RANGAP1: variants seen among roughly 807,000 people sequenced by gnomAD.
RANGAP1 encodes the protein ran GTPase-activating protein 1.
A neutral mutation model predicts 63.5 loss-of-function variants in RANGAP1; 38 were observed. The ratio of observed to expected loss-of-function variants is 0.60; its 90% CI spans 0.46 to 0.78. RANGAP1 has a LOEUF of 0.78. Among genes scored for constraint, RANGAP1 ranks in the 30% least tolerant of loss-of-function variants. The pLI, the probability that RANGAP1 is intolerant of heterozygous loss-of-function variation, is 0.00. For synonymous variants in RANGAP1, 329 were observed against 310.5 expected, an observed-to-expected ratio of 1.06 and a Z score of -0.63; for missense variants, 630 against 740.3, an observed-to-expected ratio of 0.85 and a Z score of 1.73.
Position 41,256,016 on chromosome 22 carries a change from C to T in RANGAP1, c.1073+5G>A. On this transcript the variant is annotated splice_donor_5th_base_variant and intron_variant, in intron 10 of 15. Coordinates refer to ENST00000356244, the MANE Select transcript of RANGAP1 (RefSeq NM_002883.4). ...CGACCTCTGGGGCCACCCCGAGTTCCCTACCTGAGGGACGCCAGCACCTTG... is the reference window on the plus strand; with the variant it reads ...CGACCTCTGGGGCCACCCCGAGTTCTCTACCTGAGGGACGCCAGCACCTTG... 5.0e-6 allele frequency: 8 copies of T among 1,612,922 alleles called. No homozygotes were observed. Among genetic ancestry groups the T allele is most frequent in the Non-Finnish European group, 6.8e-6 (8 of 1,179,934 alleles).
At chr22:41,291,784 C>A in the RANGAP1 span, among the ~76,000 whole-genome samples, 1 of 150,902 alleles carries the variant, frequency 6.6e-6, no homozygotes, top group Non-Finnish European at 1.5e-5. Flanking sequence ...ATCTGTAGTC[C>A]CAGCTACTCG....
In RANGAP1 at chr22:41,282,877, A is replaced by G. The variant is rs575770032; in HGVS notation, c.-38-1795T>C. On this transcript the variant is annotated intron_variant, in intron 1 of 15. Transcript: ENST00000356244. ...AACAGCAAGTAATCAGGAGAGACCAAGGAAGCAGATATGAGGGGCAGAACT... is the reference window on the plus strand; with the variant it reads ...AACAGCAAGTAATCAGGAGAGACCAGGGAAGCAGATATGAGGGGCAGAACT... Among the ~76,000 whole-genome samples, 28 of 152,318 alleles carry G rather than the reference A, an allele frequency of 1.8e-4. No individual in the cohort carries two copies. The South Asian group carries it at 5.6e-3, about 30-fold the overall frequency.
At position 41,246,660 on chromosome 22, in the gene RANGAP1, G is replaced by A; in HGVS notation, c.1707C>T (p.Ala569=). ...GGCGGGCGAAGGAGCAGGATTCCAGGGCGCTGTTGGGCCTGCGGGGAAAGA... is the reference window on the plus strand; with the variant it reads ...GGCGGGCGAAGGAGCAGGATTCCAGAGCGCTGTTGGGCCTGCGGGGAAAGA... The part of the protein sequence containing the change: ...LLAFVTKPNS[A]LESCSFARHS... Residue 569 remains alanine (A), a synonymous_variant, in exon 16 of 16, where the codon GCC becomes GCT. Transcript: ENST00000356244. 6.4e-7 allele frequency: 1 copy of A among 1,562,980 alleles called. No individual in the cohort carries two copies. Among genetic ancestry groups the A allele is most frequent in the Non-Finnish European group, 8.7e-7 (1 of 1,152,628 alleles).
intron 1 of RANGAP1, among the ~76,000 whole-genome samples, chr22:41,283,248 C>T (rs1239055458): frequency 6.6e-6 from 1 of 151,236 alleles, no homozygotes; most frequent in Non-Finnish European, 1.5e-5. Context: ...TGGTGGTTCA[C>T]GGCTGTAATC....
intron 2 of RANGAP1, among the ~76,000 whole-genome samples, chr22:41,277,242 TA>T (rs2035209130): frequency 6.6e-6 from 1 of 151,498 alleles, no homozygotes; most frequent in Non-Finnish European, 1.5e-5. Flanking sequence ...TACGCCCGGC[TA>T]ATTTTTTGTA....
chr22:41,261,789 C>G (rs978470870), intron 5 of RANGAP1, among the ~76,000 whole-genome samples: 2 of 152,208 alleles, frequency 1.3e-5, no homozygotes, highest in Non-Finnish European at 2.9e-5. Flanking sequence ...CTGTGTCACA[C>G]CAGCCTGAGA....
intron 1 of RANGAP1, among the ~76,000 whole-genome samples, chr22:41,283,271 G>A (rs2035590751): frequency 6.6e-6 from 1 of 152,056 alleles, no homozygotes; most frequent in Non-Finnish European, 1.5e-5. Flanking sequence ...AGCACTTTGG[G>A]AGACCGAGGC....
intron 12 of RANGAP1, 32 bp downstream of exon 12, chr22:41,252,840 G>A (rs775412986): frequency 1.4e-5 from 22 of 1,536,886 alleles, no homozygotes; most frequent in Admixed American, 1.2e-4. Flanking sequence ...GCCACAGCAC[G>A]TACAGCGTGG....
At chr22:41,289,145 T>A (rs1351126906), upstream of RANGAP1, among the ~76,000 whole-genome samples, 1 of 151,650 alleles carries the variant, frequency 6.6e-6, no homozygotes, top group Non-Finnish European at 1.5e-5. Flanking sequence ...GGTCTCAAAC[T>A]CCTGACCTGG....
At chr22:41,288,196 C>G (rs1384053221), upstream of RANGAP1, among the ~76,000 whole-genome samples, 1 of 152,138 alleles carries the variant, frequency 6.6e-6, no homozygotes, top group South Asian at 2.1e-4. Flanking sequence ...CTTCCCTCTC[C>G]TTTTTACCTA....
At chr22:41,276,812 G>T (rs564639248) in intron 2 of RANGAP1, among the ~76,000 whole-genome samples, 1 of 151,498 alleles carries the variant, frequency 6.6e-6, no homozygotes, top group African/African-American at 2.4e-5. Context: ...GGTAAACCCC[G>T]TCTCTACTAA....
At chr22:41,296,614 T>C in the RANGAP1 span, among the ~76,000 whole-genome samples, 1 of 150,146 alleles carries the variant, frequency 6.7e-6, no homozygotes, top group African/African-American at 2.5e-5. Context: ...GCCACTACAC[T>C]CTAGCCTGGG....
chr22:41,245,307 TCA>T lies in RANGAP1; in HGVS notation c.*1294_*1295del, dbSNP rs1269224891. Among the ~76,000 whole-genome samples, 1 of 152,200 alleles carries T rather than the reference TCA, an allele frequency of 6.6e-6. No homozygotes were observed. Among genetic ancestry groups the T allele is most frequent in the Non-Finnish European group, 1.5e-5 (1 of 68,028 alleles). On this transcript the variant is annotated 3_prime_UTR_variant, in exon 16 of 16. Transcript: ENST00000356244. ...GTAAGGAAGGTTGGCTGGGCTGTCC[TCA>T]CATATGTGGCAGTGGAGCAAAGGAT... is the stretch of plus-strand genomic sequence containing the variant.
the RANGAP1 span, among the ~76,000 whole-genome samples, chr22:41,293,856 A>G: frequency 4.0e-5 from 6 of 151,486 alleles, no homozygotes; most frequent in African/African-American, 1.5e-4. Flanking sequence ...ATGGGGTCTC[A>G]CTATGTTGCC....
chr22:41,279,590 T>C (rs1217318283), intron 2 of RANGAP1, among the ~76,000 whole-genome samples: 1 of 150,302 alleles, frequency 6.7e-6, no homozygotes, highest in Admixed American at 6.6e-5. Context: ...TAAAGTGAGC[T>C]GAGATTGCAC....
At chr22:41,248,820 C>T (rs948165106) in intron 15 of RANGAP1, among the ~76,000 whole-genome samples, 1 of 152,256 alleles carries the variant, frequency 6.6e-6, no homozygotes, top group Admixed American at 6.5e-5. Context: ...AAGGTTCACA[C>T]ATTGCTGGGC....
chr22:41,249,443 G>A lies in RANGAP1; in HGVS notation c.1581C>T (p.Asp527=), dbSNP rs1169521357. The A allele has an allele frequency of 6.2e-7, 1 of 1,614,008 alleles. No homozygotes were observed. The highest frequency in any genetic ancestry group is 2.2e-5 in the East Asian group (1 of 44,896). Residue 527 remains aspartate, a synonymous_variant, in exon 15 of 16, where the codon GAC becomes GAT. Coordinates refer to ENST00000356244, the MANE Select transcript of RANGAP1 (RefSeq NM_002883.4). ...ACAGGTTGGCAATGGCCTTGACCTT[G>A]TCTTCACTCTGAGAGGAACACAGCG... The part of the protein sequence containing the change: ...LVHMGLLKSE[D]KVKAIANLYG...
chr22:41,285,332 G>C (rs2035699051), intron 1 of RANGAP1: 1 of 230,262 alleles, frequency 4.3e-6, no homozygotes, highest in Non-Finnish European at 7.2e-6. Flanking sequence ...CCAAGAGAGA[G>C]CGAGACAGAG....
At chr22:41,263,646 A>C (rs59505532) in intron 5 of RANGAP1, among the ~76,000 whole-genome samples, 3,271 of 152,302 alleles carry the variant, frequency 0.021, 91 homozygotes, top group African/African-American at 0.074. Context: ...CGGCCTCCCA[A>C]AGTGCTGGGA....
Sources: gnomAD v4.1 joint callset for allele counts (sites outside exome capture counted in the v4.1 genomes callset) on GRCh38, gnomAD v4.1.1 for gene constraint, MANE v1.5 for transcripts, NCBI Gene and HGNC (gene_info 2026-07-23, HGNC 2026-07-21) for gene names.